ASAH2: variants seen among roughly 807,000 people sequenced by gnomAD.
ASAH2 encodes the protein N-acylsphingosine amidohydrolase 2.
A neutral mutation model predicts 82.9 loss-of-function variants in ASAH2; 58 were observed. That is an observed-to-expected ratio of 0.70 (90% CI 0.57 to 0.87). The LOEUF is 0.87. Ranked by LOEUF, ASAH2 falls within the 40% of genes least tolerant of loss-of-function variation. The pLI is 0.00. For synonymous variants in ASAH2, 276 were observed against 289.7 expected, an observed-to-expected ratio of 0.95 and a Z score of 0.48; for missense variants, 779 against 834.0, an observed-to-expected ratio of 0.93 and a Z score of 0.81.
rs1846139243 is a variant in ASAH2 at position 50,235,631 on chromosome 10, G to A, written c.687+257C>T. On this transcript the variant is annotated intron_variant, in intron 5 of 20. Transcript: ENST00000682911. ...TCTATAAAGAACCCCAAACCAAAAT[G>A]TTTTCTGTCTGTTTAAATAACTACA... Among the ~76,000 whole-genome samples, 4 of 152,202 alleles carry A rather than the reference G, an allele frequency of 2.6e-5. No homozygotes were observed. In the South Asian group the frequency reaches 8.3e-4, roughly 32 times the overall value.
Position 50,237,003 on chromosome 10 carries a change from T to C in ASAH2, c.511-939A>G, listed in dbSNP as rs977973833. Among the ~76,000 whole-genome samples, 310 of 152,184 alleles carry C rather than the reference T, an allele frequency of 2.0e-3. 2 individuals are homozygous for C. The highest frequency in any genetic ancestry group is 7.3e-3 in the African/African-American group (302 of 41,524). ...GTGATAGATGCTATGAAGAAAAACA[T>C]TGTTGCATAAGGAAAAAGAAAGTAG... On this transcript the variant is annotated intron_variant, in intron 4 of 20. Transcript: ENST00000682911.
chr10:50,217,691 C>A (rs1845641751), intron 8 of ASAH2, among the ~76,000 whole-genome samples: 1 of 152,038 alleles, frequency 6.6e-6, no homozygotes, highest in Non-Finnish European at 1.5e-5. Flanking sequence ...TATAAATTAC[C>A]CAGTCTCAGT....
At chr10:50,216,532 A>C (rs1296564790) in intron 8 of ASAH2, among the ~76,000 whole-genome samples, 1 of 152,208 alleles carries the variant, frequency 6.6e-6, no homozygotes, top group Non-Finnish European at 1.5e-5. Context: ...ATTGTGTTTT[A>C]TCTGGAGCTC....
rs1846096941 is a variant in ASAH2, at chr10:50,234,477, T to G, written c.763A>C (p.Ile255Leu). ...AGGTAAGAATACGGACTTCTGTTGATCTGCACACCATCCACATTTCCTTTA... is the reference window on the plus strand; with the variant it reads ...AGGTAAGAATACGGACTTCTGTTGAGCTGCACACCATCCACATTTCCTTTA... ...INKGNVDGVQ[I>L]NRSPYSYLQN... The change falls in exon 6 of 21, where the codon ATC becomes CTC. Residue 255 changes from isoleucine to leucine, a missense_variant. By Grantham distance (5) the Ile-to-Leu change is conservative (BLOSUM62 2). Around this residue, in one of 3 missense-constraint regions of ASAH2, gnomAD observed 759 missense variants for 755.2 expected, o/e 1.00. Transcript: ENST00000682911. 6.2e-7 allele frequency: 1 copy of G among 1,613,040 alleles called. No homozygotes were observed. The highest frequency in any genetic ancestry group is 8.5e-7 in the Non-Finnish European group (1 of 1,179,346).
intron 18 of ASAH2, among the ~76,000 whole-genome samples, chr10:50,194,125 T>C (rs1361288404): frequency 1.3e-5 from 2 of 151,370 alleles, no homozygotes; most frequent in Admixed American, 1.3e-4. Context: ...TTGGATACTT[T>C]TTCAGAAAGT....
rs1466989615 is a variant in ASAH2 at position 50,236,872 on chromosome 10, C to G, written c.511-808G>C. Among the ~76,000 whole-genome samples, 3 of 152,182 alleles carry G rather than the reference C, an allele frequency of 2.0e-5. No individual in the cohort carries two copies. In the East Asian group the frequency reaches 5.8e-4, roughly 29 times the overall value. Reference sequence around the variant, plus strand: ...TTATTCATTCATCATTCAACAGGTGCTCTAAGCAAAAGAATATATGAGGTT... The same window carrying G: ...TTATTCATTCATCATTCAACAGGTGGTCTAAGCAAAAGAATATATGAGGTT... On this transcript the variant is annotated intron_variant, in intron 4 of 20. Transcript: ENST00000682911.
chr10:50,199,209 T>A lies in ASAH2; in HGVS notation c.1762-63A>T. ...TTATTTAAATCCATTTACAGAGGTG[T>A]AGCATTTTGGGTAAGTGTGATGCTT... On this transcript the variant is annotated intron_variant, in intron 16 of 20. Coordinates refer to ENST00000682911, the MANE Select transcript of ASAH2 (RefSeq NM_019893.4). 2.5e-6 allele frequency: 4 copies of A among 1,573,080 alleles called. No homozygotes were observed. In the Admixed American group the frequency reaches 5.0e-5, roughly 20 times the overall value.
intron 14 of ASAH2, among the ~76,000 whole-genome samples, chr10:50,204,605 A>C (rs1378350757): frequency 6.6e-6 from 1 of 151,948 alleles, no homozygotes; most frequent in Non-Finnish European, 1.5e-5. Flanking sequence ...ATAATAACTC[A>C]TGGCATCATT....
chr10:50,210,766 A>G (rs1845431471), intron 12 of ASAH2, 57 bp downstream of exon 12: 1 of 1,352,234 alleles, frequency 7.4e-7, no homozygotes, highest in Admixed American at 1.7e-5. Flanking sequence ...TGATCAGAGA[A>G]CAGAACCCAG....
chr10:50,245,214 CT>C lies in ASAH2; in HGVS notation c.360+7del. The C allele has an allele frequency of 6.2e-7, 1 of 1,605,638 alleles. No homozygotes were observed. The highest frequency in any genetic ancestry group is 8.5e-7 in the Non-Finnish European group (1 of 1,172,392). ...ACAGTCTCCTTAAGGAGCCCATTGT[CT>C]ACTTGCCAAATTGATATCTGCTACT... On this transcript the variant is annotated splice_region_variant and intron_variant, in intron 3 of 20. Transcript: ENST00000682911.
intron 18 of ASAH2, among the ~76,000 whole-genome samples, chr10:50,193,367 C>T (rs1193023286): frequency 2.0e-5 from 3 of 150,956 alleles, no homozygotes; most frequent in Non-Finnish European, 3.0e-5. Context: ...TGGGTGTCCA[C>T]AAAAGCCAAA....
chr10:50,242,648 G>A (rs1265920308), intron 4 of ASAH2, among the ~76,000 whole-genome samples: 6 of 136,502 alleles, frequency 4.4e-5, no homozygotes, highest in African/African-American at 9.9e-5. Context: ...CTCTCTCTCC[G>A]TCTCCTCCTC....
intron 7 of ASAH2, among the ~76,000 whole-genome samples, chr10:50,230,306 A>G (rs1333859978): frequency 6.6e-5 from 10 of 152,166 alleles, no homozygotes; most frequent in African/African-American, 2.4e-4. Context: ...GGCAGGTCAC[A>G]TCACCTTTCT....
rs550726290 is a variant in ASAH2, at chr10:50,244,604, G to C, written c.360+618C>G. 3.4e-4 allele frequency among the ~76,000 whole-genome samples: 52 copies of C among 152,316 alleles called. 1 individual carries two copies. The highest frequency in any genetic ancestry group is 4.1e-4 in the South Asian group (2 of 4,826). On this transcript the variant is annotated intron_variant, in intron 3 of 20. Coordinates refer to ENST00000682911, the MANE Select transcript of ASAH2 (RefSeq NM_019893.4). The stretch of plus-strand genomic sequence containing the variant: ...TTCCATCACATAGCCAAGACTAGCA[G>C]TCAATAGGGCCATACCTGACACATA...
At chr10:50,212,868 C>A in intron 10 of ASAH2, 104 bp downstream of exon 10, 2 of 1,150,386 alleles carry the variant, frequency 1.7e-6, no homozygotes, top group Non-Finnish European at 2.6e-6. Context: ...ACAACCTGAG[C>A]ATTTGCTGTT....
chr10:50,210,275 C>A (rs1255637125), intron 12 of ASAH2, among the ~76,000 whole-genome samples: 1 of 151,858 alleles, frequency 6.6e-6, no homozygotes, highest in East Asian at 1.9e-4. Context: ...CTGAGGCGGG[C>A]GGATCACTTG....
At chr10:50,218,682 GC>G in intron 7 of ASAH2, 52 bp from the exon 8 acceptor site, 6 of 1,609,914 alleles carry the variant, frequency 3.7e-6, no homozygotes, top group Non-Finnish European at 5.1e-6. Context: ...GAGAACTGGG[GC>G]CAAGAACTAT....
chr10:50,197,327 C>A (rs1845013667), intron 17 of ASAH2, among the ~76,000 whole-genome samples: 1 of 151,216 alleles, frequency 6.6e-6, no homozygotes, highest in East Asian at 1.9e-4. Context: ...GGAGTGAGTA[C>A]CAAGTTTTTT....
chr10:50,193,509 G>A (rs1323695077), intron 18 of ASAH2, among the ~76,000 whole-genome samples: 3 of 150,848 alleles, frequency 2.0e-5, no homozygotes, highest in Non-Finnish European at 4.4e-5. Flanking sequence ...AGAAAAGAAT[G>A]GGCTAACAGA....
Sources: gnomAD v4.1 joint callset for allele counts (sites outside exome capture counted in the v4.1 genomes callset) on GRCh38, gnomAD v4.1.1 for gene constraint, gnomAD v4.1.1 regional missense constraint, MANE v1.5 for transcripts, NCBI Gene and HGNC (gene_info 2026-07-23, HGNC 2026-07-21) for gene names.